NCAN: variants seen among roughly 807,000 people sequenced by gnomAD.
NCAN encodes the protein neurocan core protein.
Under a neutral mutation model 121.8 loss-of-function variants are expected in NCAN, and 47 were observed. That is an observed-to-expected ratio of 0.39 (90% CI 0.31 to 0.49). The LOEUF is 0.49. Among genes scored for constraint, NCAN ranks in the 20% least tolerant of loss-of-function variants. The pLI, the probability that NCAN is intolerant of heterozygous loss-of-function variation, is 0.92. For missense variants in NCAN, 1,517 were observed against 1,773.4 expected, an observed-to-expected ratio of 0.86 and a Z score of 2.60; for synonymous variants, 633 against 702.0, an observed-to-expected ratio of 0.90 and a Z score of 1.55.
At chr19:19,246,194 C>T (rs193006695) in intron 13 of NCAN, among the ~76,000 whole-genome samples, 4 of 151,936 alleles carry the variant, frequency 2.6e-5, no homozygotes, top group Non-Finnish European at 5.9e-5. Flanking sequence ...TATGCCACCA[C>T]GCCCAGCTGG....
chr19:19,226,085 A>G (rs2060835664), intron 6 of NCAN, among the ~76,000 whole-genome samples: 1 of 152,092 alleles, frequency 6.6e-6, no homozygotes, highest in South Asian at 2.1e-4. Context: ...ATGTGCCACC[A>G]TGCCCAGCTA....
intron 3 of NCAN, among the ~76,000 whole-genome samples, chr19:19,222,639 C>T (rs979448599): frequency 1.3e-5 from 2 of 152,170 alleles, no homozygotes; most frequent in African/African-American, 2.4e-5. Context: ...GGACACAGAG[C>T]TCTCAGTTGG....
intron 2 of NCAN, among the ~76,000 whole-genome samples, chr19:19,217,598 C>A (rs969490594): frequency 2.0e-5 from 3 of 152,154 alleles, no homozygotes; most frequent in African/African-American, 7.2e-5. Context: ...TTTGCTTTAC[C>A]TTTCGGAAAA....
At chr19:19,238,022 G>A (rs1599819796) in intron 10 of NCAN, among the ~76,000 whole-genome samples, 1 of 152,078 alleles carries the variant, frequency 6.6e-6, no homozygotes, top group Non-Finnish European at 1.5e-5. Flanking sequence ...CAGCCTGGGC[G>A]ACGGAGTGAG....
intron 10 of NCAN, 104 bp downstream of exon 10, chr19:19,235,200 T>C: frequency 1.6e-6 from 1 of 632,104 alleles, no homozygotes; most frequent in Middle Eastern, 3.7e-4. Context: ...GTTCCATGGC[T>C]GTGAGCCTGA....
In NCAN at chr19:19,224,234, T is replaced by C. The variant is rs1196822796; in HGVS notation, c.650+39T>C. 11 of 1,590,902 alleles carry C rather than the reference T, an allele frequency of 6.9e-6. No homozygotes were observed. In the African/African-American group the frequency reaches 1.3e-4, roughly 19 times the overall value. ...ACAGGGCAGGGAGATGAAGACTAGC[T>C]CATGGGGAAGGAGGTTCCTTGGGGG... On this transcript the variant is annotated intron_variant, in intron 4 of 14. Coordinates refer to ENST00000252575, the MANE Select transcript of NCAN (RefSeq NM_004386.3).
In NCAN at chr19:19,212,968, T is replaced by G. The variant is rs1345381713; in HGVS notation, c.-8+904T>G. On this transcript the variant is annotated intron_variant, in intron 1 of 14. Coordinates refer to ENST00000252575, the MANE Select transcript of NCAN (RefSeq NM_004386.3). The surrounding 1 kb of genome is among the most constrained non-coding windows in gnomAD (Gnocchi z 4.5). ...GACACATGTGGAAGCGCTGGCTTGGTTTGGGGGCACAGGGGCTGGGAAGTA... is the reference window on the plus strand; with the variant it reads ...GACACATGTGGAAGCGCTGGCTTGGGTTGGGGGCACAGGGGCTGGGAAGTA... Among the ~76,000 whole-genome samples, 1 of 152,036 alleles carries G rather than the reference T, an allele frequency of 6.6e-6. No individual in the cohort carries two copies. Among genetic ancestry groups the G allele is most frequent in the East Asian group, 1.9e-4 (1 of 5,174 alleles).
At position 19,224,151 on chromosome 19, in the gene NCAN, C is replaced by T. The variant is rs751296994; in HGVS notation, c.606C>T (p.Gly202=). ...ATCTACAGGCTGCCTTTGAGGATGG[C>T]TTTGACAACTGTGATGCTGGCTGGC... ...PRHLQAAFED[G]FDNCDAGWLS... The change falls in exon 4 of 15, where the codon GGC becomes GGT. Residue 202 remains glycine (G), a synonymous_variant. Transcript: ENST00000252575. 8.7e-6 allele frequency: 14 copies of T among 1,602,606 alleles called. No homozygotes were observed. In the South Asian group the frequency reaches 1.5e-4, roughly 18 times the overall value.
intron 9 of NCAN, 110 bp from the exon 10 acceptor site, chr19:19,234,873 G>A (rs1456476025): frequency 8.3e-6 from 5 of 603,112 alleles, no homozygotes; most frequent in Non-Finnish European, 1.5e-5. Context: ...CTGCACTTAG[G>A]TCCAGGATGG....
chr19:19,251,843 A>C lies in NCAN; in HGVS notation c.*1932A>C, dbSNP rs745692069. The C allele has an allele frequency of 1.3e-5, 2 of 151,094 alleles. No homozygotes were observed. The highest frequency in any genetic ancestry group is 6.6e-5 in the Admixed American group (1 of 15,126). 9.4% of individuals were successfully genotyped at this position (151,094 alleles called of 1,614,324 possible). A position where few individuals can be genotyped will look rare whatever the true frequency, so the allele number is the denominator to read the frequency against. ...CTCTTCTTAGTTTAAAATAATAATA[A>C]TAACACATCTTTGGTCATCTATGTC... On this transcript the variant is annotated 3_prime_UTR_variant, in exon 15 of 15. Coordinates refer to ENST00000252575, the MANE Select transcript of NCAN (RefSeq NM_004386.3).
chr19:19,223,384 C>T (rs931387382), intron 3 of NCAN, among the ~76,000 whole-genome samples: 2 of 152,148 alleles, frequency 1.3e-5, no homozygotes, highest in Non-Finnish European at 2.9e-5. Context: ...GTCCCTCAAC[C>T]TTTCTGACCC....
At chr19:19,243,515 C>CAA (rs781710638) in intron 12 of NCAN, among the ~76,000 whole-genome samples, 25 of 42,608 alleles carry the variant, frequency 5.9e-4, no homozygotes, top group African/African-American at 1.6e-3. Flanking sequence ...GACTCCATCT[C>CAA]AAAAAAAAAA....
At position 19,214,765 on chromosome 19, in the gene NCAN, A is replaced by T. The variant is rs574585315; in HGVS notation, c.-7-2182A>T. ...GTGTGTGTGTGTGTGTGTGTGTGTG[A>T]GAGAGAGAGAGAAAGAGAATTCTCT... On this transcript the variant is annotated intron_variant, in intron 1 of 14. Transcript: ENST00000252575. 1.8e-3 allele frequency among the ~76,000 whole-genome samples: 269 copies of T among 146,820 alleles called. 1 individual carries two copies. Among genetic ancestry groups the T allele is most frequent in the East Asian group, 7.3e-3 (36 of 4,926 alleles).
Position 19,238,623 on chromosome 19 carries a change from C to T in NCAN, c.3409+212C>T, listed in dbSNP as rs991018199. On this transcript the variant is annotated intron_variant, in intron 11 of 14. Coordinates refer to ENST00000252575, the MANE Select transcript of NCAN (RefSeq NM_004386.3). Reference sequence around the variant, plus strand: ...TACATTCACTTCATTCATTCATTCACCAAATATTTACTGAGCACCTGCTAT... The same window carrying T: ...TACATTCACTTCATTCATTCATTCATCAAATATTTACTGAGCACCTGCTAT... 6.5e-6 allele frequency: 4 copies of T among 613,620 alleles called. No individual in the cohort carries two copies. In the African/African-American group the frequency reaches 7.4e-5, roughly 11 times the overall value. 38.0% of individuals were successfully genotyped at this position (613,620 alleles called of 1,614,324 possible).
chr19:19,217,126 T>C, intron 2 of NCAN, 100 bp downstream of exon 2: 2 of 819,508 alleles, frequency 2.4e-6, no homozygotes, highest in Non-Finnish European at 3.5e-6. Flanking sequence ...TCTCCTGGCA[T>C]GGGCTAGAGA....
chr19:19,221,504 G>T (rs1268474051), intron 3 of NCAN, among the ~76,000 whole-genome samples: 1 of 151,834 alleles, frequency 6.6e-6, no homozygotes, highest in Non-Finnish European at 1.5e-5. Context: ...GGAGGTGGAG[G>T]TTGAGGTGAG....
At chr19:19,223,026 G>A (rs2060822428) in intron 3 of NCAN, among the ~76,000 whole-genome samples, 2 of 152,104 alleles carry the variant, frequency 1.3e-5, no homozygotes, top group Admixed American at 1.3e-4. Context: ...GGAGAATGGT[G>A]TGAACCCGGG....
chr19:19,248,719 G>A lies in NCAN; in HGVS notation c.3657G>A (p.Pro1219=), dbSNP rs1204271737. The A allele has an allele frequency of 9.9e-6, 16 of 1,614,020 alleles. No homozygotes were observed. In the South Asian group the frequency reaches 1.3e-4, roughly 13 times the overall value. The part of the protein sequence containing the change: ...KKGTVLCGPP[P]AVENASLIGA... Reference sequence around the variant, plus strand: ...TCCCAGTGCTCTGTGGTCCCCCTCCGGCAGTGGAGAATGCCTCACTCATCG... The same window carrying A: ...TCCCAGTGCTCTGTGGTCCCCCTCCAGCAGTGGAGAATGCCTCACTCATCG... Residue 1219 remains proline, a synonymous_variant, in exon 14 of 15, where the codon CCG becomes CCA. Coordinates refer to ENST00000252575, the MANE Select transcript of NCAN (RefSeq NM_004386.3).
rs775861035 is a variant in NCAN, at chr19:19,238,429, G to A, written c.3409+18G>A. The A allele has an allele frequency of 6.2e-7, 1 of 1,613,896 alleles. No homozygotes were observed. The highest frequency in any genetic ancestry group is 1.3e-5 in the African/African-American group (1 of 75,050). On this transcript the variant is annotated intron_variant, in intron 11 of 14. Transcript: ENST00000252575. Reference sequence around the variant, plus strand: ...CATTAATAGTAGGGGCTCTGGGGAGGGGGCCACCTGCCTGGAGGGTGGGCA... The same window carrying A: ...CATTAATAGTAGGGGCTCTGGGGAGAGGGCCACCTGCCTGGAGGGTGGGCA...
Sources: gnomAD v4.1 joint callset for allele counts (sites outside exome capture counted in the v4.1 genomes callset) on GRCh38, gnomAD v4.1.1 for gene constraint, Gnocchi (gnomAD v3.1) non-coding constraint, MANE v1.5 for transcripts, NCBI Gene and HGNC (gene_info 2026-07-23, HGNC 2026-07-21) for gene names.